Variants in TNKS observed in about 807,000 individuals in gnomAD.
TNKS encodes the protein poly [ADP-ribose] polymerase tankyrase-1.
TNKS carries 72 observed loss-of-function variants against 135.8 expected under a neutral mutation model. The observed-to-expected ratio is 0.53, with a 90% CI of 0.44 to 0.64. The LOEUF (loss-of-function observed/expected upper bound fraction) is 0.64. Ranked by LOEUF, TNKS falls within the 30% of genes least tolerant of loss-of-function variation. The pLI is 0.00. For synonymous variants in TNKS, 849 were observed against 649.3 expected (o/e 1.31, Z -4.68); for missense variants, 1,769 against 1,674.0 (o/e 1.06, Z -0.99).
chr8:9,656,505 C>T (rs1295629663), intron 3 of TNKS, among the ~76,000 whole-genome samples: 1 of 152,066 alleles, frequency 6.6e-6, no homozygotes, highest in Non-Finnish European at 1.5e-5. Context: ...GTCGGGTTAC[C>T]CACAAAGGGA....
chr8:9,765,585 T>A (rs1807391915), intron 23 of TNKS, 107 bp from the exon 24 acceptor site: 1 of 877,680 alleles, frequency 1.1e-6, no homozygotes, highest in African/African-American at 1.7e-5. Flanking sequence ...AAATTATGTC[T>A]TAAGCAAAAT....
intron 3 of TNKS, among the ~76,000 whole-genome samples, chr8:9,642,267 C>T (rs1296946781): frequency 2.1e-5 from 3 of 146,334 alleles, no homozygotes; most frequent in African/African-American, 7.6e-5. Flanking sequence ...TTTGCTAGCA[C>T]AGAATGAGAA....
At chr8:9,746,249 A>T (rs1378095847) in intron 17 of TNKS, among the ~76,000 whole-genome samples, 1 of 152,242 alleles carries the variant, frequency 6.6e-6, no homozygotes, top group African/African-American at 2.4e-5. Context: ...TAACCAGCCT[A>T]ACATCCTAAA....
intron 5 of TNKS, among the ~76,000 whole-genome samples, chr8:9,686,804 C>T (rs1038515902): frequency 6.6e-6 from 1 of 152,060 alleles, no homozygotes; most frequent in Non-Finnish European, 1.5e-5. Context: ...TAAGTTTCAG[C>T]TGTTATTAGC....
intron 17 of TNKS, chr8:9,741,683 C>G (rs777312687): frequency 1.9e-6 from 1 of 525,706 alleles, no homozygotes; most frequent in Non-Finnish European, 4.0e-6. Context: ...ACTTACTCTA[C>G]GTGTGTGTCA....
intron 2 of TNKS, among the ~76,000 whole-genome samples, chr8:9,580,933 T>A (rs574970920): frequency 1.3e-5 from 2 of 152,228 alleles, no homozygotes; most frequent in Admixed American, 6.5e-5. Context: ...CGAAGCTGTA[T>A]TCAATCAGCA....
At chr8:9,704,512 A>C (rs1405716206) in intron 5 of TNKS, 151 bp from the exon 6 acceptor site, 4 of 583,862 alleles carry the variant, frequency 6.9e-6, no homozygotes, top group Non-Finnish European at 1.2e-5. Flanking sequence ...GCAGTAAATT[A>C]TCTCTCCTTA....
At chr8:9,701,230 C>G (rs1388769461) in intron 5 of TNKS, among the ~76,000 whole-genome samples, 3 of 152,188 alleles carry the variant, frequency 2.0e-5, no homozygotes. Flanking sequence ...AGCCACCATG[C>G]CCGACCTGCC....
At chr8:9,639,900 A>T (rs773677695) in intron 3 of TNKS, among the ~76,000 whole-genome samples, 43 of 152,328 alleles carry the variant, frequency 2.8e-4, no homozygotes, top group Middle Eastern at 3.4e-3. Flanking sequence ...TGTGAAGCTT[A>T]TGTTCCAAAA....
intron 5 of TNKS, among the ~76,000 whole-genome samples, chr8:9,704,027 G>C (rs1426504665): frequency 1.3e-5 from 2 of 152,172 alleles, no homozygotes; most frequent in Non-Finnish European, 2.9e-5. Context: ...TCTTTACACT[G>C]TGTATGTGGT....
chr8:9,650,855 A>G (rs1801123597), intron 3 of TNKS, among the ~76,000 whole-genome samples: 1 of 151,846 alleles, frequency 6.6e-6, no homozygotes, highest in African/African-American at 2.4e-5. Context: ...TTTTAGTTGC[A>G]TTTGCTTTTG....
intron 17 of TNKS, among the ~76,000 whole-genome samples, chr8:9,736,096 TGTAAA>T (rs1184954053): frequency 1.3e-5 from 2 of 148,626 alleles, no homozygotes; most frequent in Admixed American, 6.7e-5. Context: ...ATATATATAA[TGTAAA>T]ATAATATAAT....
At chr8:9,773,863 A>T (rs1808082319) in intron 26 of TNKS, among the ~76,000 whole-genome samples, 1 of 152,306 alleles carries the variant, frequency 6.6e-6, no homozygotes, top group Middle Eastern at 3.4e-3. Context: ...GTACTTTCTC[A>T]TGAGCAGTTT....
chr8:9,741,969 G>T (rs1267493778), intron 17 of TNKS, among the ~76,000 whole-genome samples: 3 of 151,936 alleles, frequency 2.0e-5, no homozygotes, highest in African/African-American at 7.3e-5. Context: ...TCTTTTTATG[G>T]TATCCTCTTT....
intron 3 of TNKS, among the ~76,000 whole-genome samples, chr8:9,641,268 A>G (rs1395235458): frequency 1.4e-5 from 2 of 143,676 alleles, no homozygotes; most frequent in Non-Finnish European, 3.0e-5. Flanking sequence ...ATATATGCAT[A>G]TGCTCAATTC....
At chr8:9,742,587 G>A (rs889336476) in intron 17 of TNKS, among the ~76,000 whole-genome samples, 8 of 151,486 alleles carry the variant, frequency 5.3e-5, no homozygotes, top group Admixed American at 3.3e-4. Context: ...GCTAGGCATG[G>A]TGGCTCACTT....
chr8:9,632,929 C>T (rs545215227), intron 3 of TNKS, among the ~76,000 whole-genome samples: 1 of 152,122 alleles, frequency 6.6e-6, no homozygotes, highest in Admixed American at 6.5e-5. Context: ...TGGGGTTTCA[C>T]CATGTTAGCC....
chr8:9,774,006 T>G (rs1808088831), intron 26 of TNKS, among the ~76,000 whole-genome samples: 1 of 152,194 alleles, frequency 6.6e-6, no homozygotes, highest in Non-Finnish European at 1.5e-5. Context: ...TGATTGAGGA[T>G]GATTTGAGTA....
At chr8:9,556,779 A>C (rs1178400028) in intron 1 of TNKS, 167 bp downstream of exon 1, 118 of 370,828 alleles carry the variant, frequency 3.2e-4, no homozygotes, top group Middle Eastern at 4.8e-4. Context: ...TGCCTGGGTG[A>C]TGGGGGCGTG....
Sources: allele counts gnomAD v4.1 joint callset (sites outside exome capture counted in the v4.1 genomes callset), GRCh38; gene constraint gnomAD v4.1.1; transcripts MANE v1.5; gene names NCBI Gene and HGNC (gene_info 2026-07-23, HGNC 2026-07-21).